PCDH15: variants seen among roughly 807,000 people sequenced by gnomAD.
PCDH15 encodes protocadherin-15.
A neutral mutation model predicts 178.5 loss-of-function variants in PCDH15; 129 were observed. That is an observed-to-expected ratio of 0.72 (90% CI 0.63 to 0.84). PCDH15 has a LOEUF of 0.84. PCDH15 is among the 40% of genes least tolerant of loss of function. PCDH15 has a pLI of 0.00. For missense variants in PCDH15, 2,230 were observed against 2,099.9 expected, an observed-to-expected ratio of 1.06 and a Z score of -1.21; for synonymous variants, 800 against 732.0, an observed-to-expected ratio of 1.09 and a Z score of -1.50.
intron 3 of PCDH15, among the ~76,000 whole-genome samples, chr10:54,500,148 A>C (rs867337404): frequency 6.9e-6 from 1 of 144,926 alleles, no homozygotes; most frequent in South Asian, 2.3e-4. Context: ...CTTTGCAACA[A>C]CATTAAAGCA....
At chr10:54,272,894 T>C (rs2058129913) in intron 8 of PCDH15, among the ~76,000 whole-genome samples, 1 of 152,178 alleles carries the variant, frequency 6.6e-6, no homozygotes, top group African/African-American at 2.4e-5. Flanking sequence ...AAAATATTTC[T>C]GAGAATATTT....
intron 1 of PCDH15, among the ~76,000 whole-genome samples, chr10:54,723,905 G>A (rs893448964): frequency 2.0e-5 from 3 of 151,792 alleles, no homozygotes; most frequent in South Asian, 2.1e-4. Context: ...TGGTGTGGAT[G>A]TCAAGAAACG....
At chr10:55,539,963 G>C (rs966512603) in intron 2 of PCDH15, among the ~76,000 whole-genome samples, 3 of 152,010 alleles carry the variant, frequency 2.0e-5, no homozygotes, top group Admixed American at 6.6e-5. Flanking sequence ...GGAGACAGAG[G>C]CATGAAGTGG....
chr10:55,370,747 A>G (rs1417507304), intron 2 of PCDH15, among the ~76,000 whole-genome samples: 7 of 152,110 alleles, frequency 4.6e-5, no homozygotes, highest in Non-Finnish European at 1.0e-4. Context: ...TGAGCAGGCC[A>G]ACTCTCTTTC....
chr10:54,193,348 A>G (rs1406851466), intron 11 of PCDH15, among the ~76,000 whole-genome samples: 1 of 152,130 alleles, frequency 6.6e-6, no homozygotes, highest in Non-Finnish European at 1.5e-5. Context: ...AAATACATAA[A>G]TTTTGCTATT....
intron 10 of PCDH15, among the ~76,000 whole-genome samples, chr10:54,211,993 AAAAATCTGTG>A (rs1418246436): frequency 2.0e-5 from 3 of 151,790 alleles, no homozygotes; most frequent in African/African-American, 7.3e-5. Context: ...AAAACAAAAA[AAAAATCTGTG>A]GCCTATTGTA....
chr10:55,357,771 T>C (rs972355168), intron 2 of PCDH15, among the ~76,000 whole-genome samples: 3 of 152,044 alleles, frequency 2.0e-5, no homozygotes, highest in African/African-American at 7.2e-5. Flanking sequence ...AACATACTTT[T>C]GGTGGTATTT....
intron 1 of PCDH15, among the ~76,000 whole-genome samples, chr10:54,733,198 A>T (rs1163840680): frequency 6.6e-6 from 1 of 151,668 alleles, no homozygotes; most frequent in African/African-American, 2.4e-5. Flanking sequence ...CTCTATTAAA[A>T]AGAGAACATG....
intron 11 of PCDH15, among the ~76,000 whole-genome samples, chr10:54,189,746 T>C (rs2048794382): frequency 6.6e-6 from 1 of 152,120 alleles, no homozygotes; most frequent in Admixed American, 6.6e-5. Context: ...CATTCAATAA[T>C]CAATTTTTAG....
At chr10:55,337,651 A>G (rs1400418777) in intron 2 of PCDH15, among the ~76,000 whole-genome samples, 1 of 152,194 alleles carries the variant, frequency 6.6e-6, no homozygotes, top group East Asian at 1.9e-4. Context: ...ACTTATTAAT[A>G]GTTTCATATC....
At position 54,493,028 on chromosome 10, in the gene PCDH15, C is replaced by T. The variant is rs1051388655; in HGVS notation, c.157+34784G>A. Among the ~76,000 whole-genome samples the T allele has an allele frequency of 4.6e-5, 7 of 152,024 alleles. No homozygotes were observed. In the East Asian group the frequency reaches 7.7e-4, roughly 17 times the overall value. On this transcript the variant is annotated intron_variant, in intron 3 of 37. Coordinates refer to ENST00000644397, the MANE Select transcript of PCDH15 (RefSeq NM_001384140.1). ...TGCAGAGAACTCCTCTTTATAAAAC[C>T]ATCAAATTTTGTGAGACTTATTCAC...
chr10:54,562,712 C>T (rs2088373224), intron 2 of PCDH15, among the ~76,000 whole-genome samples: 1 of 152,046 alleles, frequency 6.6e-6, no homozygotes, highest in Non-Finnish European at 1.5e-5. Flanking sequence ...GTCTCTCTCT[C>T]TTGATATACA....
intron 2 of PCDH15, among the ~76,000 whole-genome samples, chr10:55,391,812 A>G (rs988802302): frequency 2.0e-5 from 3 of 152,178 alleles, no homozygotes; most frequent in Non-Finnish European, 4.4e-5. Flanking sequence ...ATATTCTTCA[A>G]TAATTTTTCC....
At chr10:54,475,140 A>C (rs2078189346) in intron 3 of PCDH15, among the ~76,000 whole-genome samples, 1 of 151,996 alleles carries the variant, frequency 6.6e-6, no homozygotes, top group Non-Finnish European at 1.5e-5. Flanking sequence ...AGTGTAATTA[A>C]GTTTCATCAT....
chr10:55,295,491 A>T (rs1843110001), intron 1 of PCDH15, among the ~76,000 whole-genome samples: 1 of 152,184 alleles, frequency 6.6e-6, no homozygotes, highest in Non-Finnish European at 1.5e-5. Context: ...GTGTCAAAAA[A>T]TACCATGCTA....
At chr10:55,126,625 CAA>C (rs539011877) in intron 2 of PCDH15, among the ~76,000 whole-genome samples, 1 of 150,456 alleles carries the variant, frequency 6.6e-6, no homozygotes, top group African/African-American at 2.4e-5. Context: ...TACTTTGACT[CAA>C]AAAAACAAAA....
intron 13 of PCDH15, among the ~76,000 whole-genome samples, chr10:54,180,652 T>C (rs951788299): frequency 1.3e-5 from 2 of 152,066 alleles, no homozygotes; most frequent in African/African-American, 4.8e-5. Flanking sequence ...TAGATCAGAG[T>C]TCTGTATCAA....
intron 3 of PCDH15, among the ~76,000 whole-genome samples, chr10:54,453,607 A>G (rs1223261458): frequency 6.6e-6 from 1 of 152,092 alleles, no homozygotes; most frequent in East Asian, 1.9e-4. Flanking sequence ...ATACATATGT[A>G]ACAAACCTGT....
intron 2 of PCDH15, among the ~76,000 whole-genome samples, chr10:54,533,329 T>C (rs1472418973): frequency 6.6e-6 from 1 of 152,164 alleles, no homozygotes; most frequent in African/African-American, 2.4e-5. Flanking sequence ...AGATAATTTG[T>C]TGTCTAAAGA....
Sources: gnomAD v4.1 joint callset for allele counts (sites outside exome capture counted in the v4.1 genomes callset) on GRCh38, gnomAD v4.1.1 for gene constraint, MANE v1.5 for transcripts, NCBI Gene and HGNC (gene_info 2026-07-23, HGNC 2026-07-21) for gene names.